The following CHRNA7 variants were observed in gnomAD, a reference collection of about 807,000 sequenced individuals.
The protein encoded by CHRNA7 is cholinergic receptor nicotinic alpha 7 subunit.
A neutral mutation model predicts 48.0 loss-of-function variants in CHRNA7; 17 were observed. The observed-to-expected ratio is 0.35, with a 90% CI of 0.24 to 0.53. The LOEUF (loss-of-function observed/expected upper bound fraction) is 0.53, where lower values mean the gene tolerates loss of function less well. Ranked by LOEUF, CHRNA7 falls within the 20% of genes least tolerant of loss-of-function variation. The pLI is 0.92. For synonymous variants in CHRNA7, 75 were observed against 242.3 expected, an observed-to-expected ratio of 0.31 and a Z score of 6.41; for missense variants, 155 against 577.7, an observed-to-expected ratio of 0.27 and a Z score of 7.50.
rs777080114 is a variant in CHRNA7, at chr15:32,149,768, T to C, written c.351-4139T>C. Among the ~76,000 whole-genome samples the C allele has an allele frequency of 2.1e-4, 32 of 152,240 alleles. No homozygotes were observed. The Middle Eastern group carries it at 0.024, about 113-fold the overall frequency. On this transcript the variant is annotated intron_variant, in intron 4 of 9. Coordinates refer to ENST00000306901, the MANE Select transcript of CHRNA7 (RefSeq NM_000746.6). This position sits in a 1 kb window ranked among gnomAD's most constrained non-coding sequence, Gnocchi z 4.6. ...CACTGAGTCACAGGTAAGCTGTTGC[T>C]AATAGCAACAGTTTTTTTATCTTGT... is the stretch of plus-strand genomic sequence containing the variant.
intron 2 of CHRNA7, among the ~76,000 whole-genome samples, chr15:32,058,051 T>C (rs540834577): frequency 6.6e-6 from 1 of 152,310 alleles, no homozygotes; most frequent in Admixed American, 6.5e-5. Context: ...GCCTTTGTCT[T>C]AGTGATTTAG....
At chr15:32,150,949 G>GC (rs1330509085) in intron 4 of CHRNA7, among the ~76,000 whole-genome samples, 2 of 152,000 alleles carry the variant, frequency 1.3e-5, no homozygotes, top group Non-Finnish European at 2.9e-5. Context: ...GGAAGTAAGG[G>GC]GGGGGGATGT....
intron 3 of CHRNA7, among the ~76,000 whole-genome samples, chr15:32,106,494 T>G (rs1289273728): frequency 6.6e-6 from 1 of 152,212 alleles, no homozygotes; most frequent in Non-Finnish European, 1.5e-5. Context: ...GAAAGAGGCT[T>G]CATCTCTCTG....
chr15:32,078,398 G>A (rs918691022), intron 2 of CHRNA7, among the ~76,000 whole-genome samples: 11 of 152,096 alleles, frequency 7.2e-5, no homozygotes, highest in Admixed American at 5.9e-4. Flanking sequence ...TTTTGTGAAG[G>A]ATGTAAGGTT....
intron 2 of CHRNA7, among the ~76,000 whole-genome samples, chr15:32,057,299 T>A (rs974103380): frequency 3.9e-5 from 6 of 152,232 alleles, no homozygotes; most frequent in Non-Finnish European, 8.8e-5. Flanking sequence ...AATCAGGATC[T>A]GATGATGAAG....
chr15:32,149,914 TCA>T lies in CHRNA7; in HGVS notation c.351-3992_351-3991del, dbSNP rs2051587714. 6.6e-6 allele frequency among the ~76,000 whole-genome samples: 1 copy of T among 152,056 alleles called. No homozygotes were observed. The highest frequency in any genetic ancestry group is 2.1e-4 in the South Asian group (1 of 4,818). On this transcript the variant is annotated intron_variant, in intron 4 of 9. Transcript: ENST00000306901. The surrounding 1 kb of genome is among the most constrained non-coding windows in gnomAD (Gnocchi z 4.6). ...GTTGAATCACTGATCTAACAGATGC[TCA>T]GTCTTGATTATAAATATGAAAATCA... is the stretch of plus-strand genomic sequence containing the variant.
chr15:32,058,686 T>G (rs935741908), intron 2 of CHRNA7, among the ~76,000 whole-genome samples: 3 of 152,212 alleles, frequency 2.0e-5, no homozygotes, highest in Non-Finnish European at 2.9e-5. Flanking sequence ...GGAGGAAAAT[T>G]AGTTTCCTCC....
At chr15:32,031,083 T>C (rs1185050910) in intron 2 of CHRNA7, 46 bp downstream of exon 2, 1 of 1,608,966 alleles carries the variant, frequency 6.2e-7, no homozygotes, top group Non-Finnish European at 8.5e-7. Context: ...CTTCCTGGGC[T>C]CCGAGGGGCT....
At chr15:32,051,930 G>A (rs2049691058) in intron 2 of CHRNA7, among the ~76,000 whole-genome samples, 2 of 152,150 alleles carry the variant, frequency 1.3e-5, no homozygotes, top group Non-Finnish European at 2.9e-5. Flanking sequence ...GCCCGCCTTG[G>A]CCTCCCAAAG....
intron 2 of CHRNA7, among the ~76,000 whole-genome samples, chr15:32,050,504 T>C (rs2049648666): frequency 6.6e-6 from 1 of 152,234 alleles, no homozygotes; most frequent in Non-Finnish European, 1.5e-5. Context: ...CATCAGCTCC[T>C]TTAAGAACTT....
intron 2 of CHRNA7, chr15:32,100,992 A>T (rs1207329896): frequency 1.1e-5 from 3 of 279,778 alleles, no homozygotes; most frequent in Non-Finnish European, 2.0e-5. Context: ...ATTATTTAAA[A>T]ATACAAAGAT....
intron 4 of CHRNA7, among the ~76,000 whole-genome samples, chr15:32,148,948 C>A (rs536570433): frequency 2.0e-5 from 3 of 152,222 alleles, no homozygotes; most frequent in African/African-American, 7.2e-5. Context: ...CTCCTACCCC[C>A]GCTAAGGACA....
chr15:32,113,211 G>A (rs2050792371), intron 4 of CHRNA7, among the ~76,000 whole-genome samples: 1 of 152,136 alleles, frequency 6.6e-6, no homozygotes. Flanking sequence ...TCTCTCCTTG[G>A]CTGGTAGATG....
At chr15:32,140,198 T>A (rs1266177212) in intron 4 of CHRNA7, among the ~76,000 whole-genome samples, 1 of 152,100 alleles carries the variant, frequency 6.6e-6, no homozygotes. Context: ...TTGTGATAGT[T>A]TGCTGAGAAT....
intron 4 of CHRNA7, among the ~76,000 whole-genome samples, chr15:32,151,939 A>G (rs920413145): frequency 3.9e-5 from 6 of 152,190 alleles, no homozygotes; most frequent in Non-Finnish European, 2.9e-5. Context: ...CAGCTCCTGC[A>G]GGGGCCATAG....
chr15:32,078,748 C>T (rs1467244388), intron 2 of CHRNA7, among the ~76,000 whole-genome samples: 5 of 151,248 alleles, frequency 3.3e-5, no homozygotes, highest in African/African-American at 7.3e-5. Context: ...ACCATTTCTT[C>T]TGAAACTATT....
chr15:32,152,021 G>T (rs1194292955), intron 4 of CHRNA7, among the ~76,000 whole-genome samples: 1 of 152,144 alleles, frequency 6.6e-6, no homozygotes, highest in African/African-American at 2.4e-5. Flanking sequence ...TTTTGAGGTG[G>T]TTTATTTTTC....
chr15:32,106,742 A>G (rs966175501), intron 3 of CHRNA7, among the ~76,000 whole-genome samples: 1 of 152,180 alleles, frequency 6.6e-6, no homozygotes, highest in African/African-American at 2.4e-5. Context: ...TGCAATTGTG[A>G]CCATTCTCCT....
intron 4 of CHRNA7, among the ~76,000 whole-genome samples, chr15:32,126,456 G>C (rs1398045250): frequency 6.6e-6 from 1 of 152,118 alleles, no homozygotes; most frequent in Admixed American, 6.5e-5. Context: ...TTCAGGTTGA[G>C]GGCAAGGCAA....
Sources: allele counts gnomAD v4.1 joint callset (sites outside exome capture counted in the v4.1 genomes callset), GRCh38; gene constraint gnomAD v4.1.1; non-coding constraint Gnocchi (gnomAD v3.1); transcripts MANE v1.5; gene names NCBI Gene and HGNC (gene_info 2026-07-23, HGNC 2026-07-21).